The following AGBL4 variants were observed in gnomAD, a reference collection of about 807,000 sequenced individuals.
The protein encoded by AGBL4 is AGBL carboxypeptidase 4, also known as cytosolic carboxypeptidase 6.
Under a neutral mutation model 66.4 loss-of-function variants are expected in AGBL4, and 58 were observed. The ratio of observed to expected loss-of-function variants is 0.87; its 90% CI spans 0.71 to 1.09. The LOEUF (loss-of-function observed/expected upper bound fraction) is 1.09. Ranked by LOEUF, AGBL4 falls within the 50% of genes least tolerant of loss-of-function variation. AGBL4 has a pLI of 0.00. For synonymous variants in AGBL4, 234 were observed against 222.9 expected (o/e 1.05, Z -0.44); for missense variants, 579 against 631.0 (o/e 0.92, Z 0.88).
chr1:49,582,977 T>C (rs971679132), intron 3 of AGBL4, among the ~76,000 whole-genome samples: 9 of 152,232 alleles, frequency 5.9e-5, no homozygotes, highest in Admixed American at 2.6e-4. Context: ...AAGAAATATA[T>C]ATATTTGGTC....
chr1:49,847,481 G>T (rs934795541), intron 2 of AGBL4, among the ~76,000 whole-genome samples: 1 of 152,040 alleles, frequency 6.6e-6, no homozygotes, highest in African/African-American at 2.4e-5. Flanking sequence ...ACAACATGCA[G>T]AATTGGGAGA....
chr1:48,877,633 A>G (rs2148837571), intron 5 of AGBL4, among the ~76,000 whole-genome samples: 1 of 152,332 alleles, frequency 6.6e-6, no homozygotes, highest in Middle Eastern at 3.4e-3. Context: ...GCAAAATTAG[A>G]TGATACTAGG....
chr1:49,045,917 G>A, intron 4 of AGBL4, 117 bp from the exon 5 acceptor site: 1 of 837,784 alleles, frequency 1.2e-6, no homozygotes, highest in Non-Finnish European at 1.8e-6. Context: ...CATGGGTGAT[G>A]GGGCTGGGAG....
chr1:49,970,612 C>T (rs1374931081), intron 1 of AGBL4, among the ~76,000 whole-genome samples: 4 of 151,722 alleles, frequency 2.6e-5, no homozygotes, highest in Non-Finnish European at 5.9e-5. Context: ...AGGAGAATCA[C>T]TTGAACCAAG....
At chr1:49,077,300 T>C (rs1644729698) in intron 4 of AGBL4, among the ~76,000 whole-genome samples, 1 of 152,158 alleles carries the variant, frequency 6.6e-6, no homozygotes, top group Non-Finnish European at 1.5e-5. Context: ...ATCATCTCAC[T>C]AATTCCCATA....
At chr1:48,759,326 G>A (rs1271324277) in intron 6 of AGBL4, 2 of 1,532,764 alleles carry the variant, frequency 1.3e-6, no homozygotes, top group South Asian at 1.2e-5. Context: ...AGGGCAGCTG[G>A]GATTTTCTTG....
At chr1:49,028,241 C>T (rs1663892010) in intron 5 of AGBL4, among the ~76,000 whole-genome samples, 1 of 152,142 alleles carries the variant, frequency 6.6e-6, no homozygotes, top group Admixed American at 6.5e-5. Flanking sequence ...AAGGACACTT[C>T]AGGGGGCAGA....
chr1:49,678,669 C>G (rs1311061607), intron 3 of AGBL4, among the ~76,000 whole-genome samples: 1 of 150,796 alleles, frequency 6.6e-6, no homozygotes, highest in Non-Finnish European at 1.5e-5. Flanking sequence ...CATTTTCATT[C>G]ACTTCACTGT....
At chr1:49,446,729 G>C (rs1646165722) in intron 3 of AGBL4, among the ~76,000 whole-genome samples, 1 of 152,102 alleles carries the variant, frequency 6.6e-6, no homozygotes, top group Non-Finnish European at 1.5e-5. Context: ...GTGGTGGGAT[G>C]ACTCTCTGTG....
chr1:49,877,769 G>A (rs1038922694), intron 1 of AGBL4, among the ~76,000 whole-genome samples: 3 of 150,812 alleles, frequency 2.0e-5, no homozygotes, highest in Admixed American at 2.0e-4. Context: ...GTAGAATTCG[G>A]CTGTGAATCC....
intron 5 of AGBL4, among the ~76,000 whole-genome samples, chr1:49,035,020 G>A (rs1664525482): frequency 6.6e-6 from 1 of 152,096 alleles, no homozygotes; most frequent in South Asian, 2.1e-4. Context: ...TTGTATCAGG[G>A]TAAGTGTAGA....
intron 5 of AGBL4, among the ~76,000 whole-genome samples, chr1:49,001,529 C>T (rs939297262): frequency 5.9e-5 from 9 of 152,186 alleles, no homozygotes; most frequent in African/African-American, 2.2e-4. Context: ...CTTCTCATCA[C>T]TATGGGTAAC....
intron 3 of AGBL4, among the ~76,000 whole-genome samples, chr1:49,624,440 A>T (rs935582622): frequency 3.3e-5 from 5 of 152,218 alleles, no homozygotes; most frequent in Admixed American, 6.5e-5. Context: ...TTAGTAACAC[A>T]GCACTGATTC....
chr1:49,542,918 A>AC (rs935682194), intron 3 of AGBL4, among the ~76,000 whole-genome samples: 4 of 150,592 alleles, frequency 2.7e-5, no homozygotes, highest in African/African-American at 7.3e-5. Context: ...AAAAAAAAAA[A>AC]AAAAAAACTC....
chr1:49,561,239 G>C (rs1420869992), intron 3 of AGBL4, among the ~76,000 whole-genome samples: 2 of 150,268 alleles, frequency 1.3e-5, no homozygotes, highest in South Asian at 2.1e-4. Flanking sequence ...GCTTTTTTAA[G>C]TTTTCTTTTT....
chr1:49,539,819 A>G (rs1651871111), intron 3 of AGBL4, among the ~76,000 whole-genome samples: 1 of 152,202 alleles, frequency 6.6e-6, no homozygotes. Flanking sequence ...GATGAGGTGG[A>G]ACCTGGAGAA....
At chr1:49,025,384 C>A (rs1663577697) in intron 5 of AGBL4, among the ~76,000 whole-genome samples, 1 of 152,126 alleles carries the variant, frequency 6.6e-6, no homozygotes. Context: ...GCAGTTAAGT[C>A]TTTTCTTCAA....
At chr1:49,293,642 A>G (rs1345432487) in intron 3 of AGBL4, among the ~76,000 whole-genome samples, 2 of 152,196 alleles carry the variant, frequency 1.3e-5, no homozygotes, top group African/African-American at 2.4e-5. Context: ...CTGTAATTCT[A>G]TTGACAACTT....
At chr1:49,227,124 T>C (rs561778558) in intron 4 of AGBL4, among the ~76,000 whole-genome samples, 39 of 152,336 alleles carry the variant, frequency 2.6e-4, no homozygotes, top group African/African-American at 9.4e-4. Context: ...GATACAAACA[T>C]TCAGACCATA....
Sources: gnomAD v4.1 joint callset for allele counts (sites outside exome capture counted in the v4.1 genomes callset) on GRCh38, gnomAD v4.1.1 for gene constraint, MANE v1.5 for transcripts, NCBI Gene and HGNC (gene_info 2026-07-23, HGNC 2026-07-21) for gene names.